UXT: variants seen among roughly 807,000 people sequenced by gnomAD.
The protein encoded by UXT is protein UXT.
For missense variants in UXT, 111 were observed against 132.7 expected (o/e 0.84, Z 0.80); for synonymous variants, 54 against 52.8 (o/e 1.02, Z -0.10).
intron 1 of UXT, among the ~76,000 whole-genome samples, 199 bp downstream of exon 2, chrX:47,658,631 G>A (rs989321575): frequency 4.4e-5 from 5 of 112,498 alleles, no homozygotes; most frequent in African/African-American, 1.6e-4. Context: ...GGCCGCGCAT[G>A]CGCTGACACG....
chrX:47,654,208 CTTT>C lies in UXT; in HGVS notation c.393-2067_393-2065del, dbSNP rs575561852. ...CAGTGTGAATAGTCATATGGTTATG[CTTT>C]TTTTTTTTTTTTTGAGATGGAGTCT... On this transcript the variant is annotated intron_variant, in intron 4 of 5. Coordinates refer to ENST00000335890, the MANE Select transcript of UXT (RefSeq NM_153477.3). The C allele has an allele frequency of 8.1e-3, 1,993 of 245,300 alleles. 14 individuals carry two copies. Among genetic ancestry groups the C allele is most frequent in the African/African-American group, 0.036 (998 of 27,679 alleles). The allele number at this position is 245,300 out of a possible 1,213,427, so 20.2% of individuals were successfully genotyped here.
chrX:47,657,426 C>T (rs1285754082), intron 3 of UXT, 136 bp from the exon 5 acceptor site: 2 of 791,705 alleles, frequency 2.5e-6, no homozygotes, highest in African/African-American at 2.1e-5. Flanking sequence ...TTCACTGTCA[C>T]ATCCCCAGCA....
Position 47,659,173 on chromosome X carries a change from T to A in UXT, c.-210A>T, listed in dbSNP as rs2058095519. On this transcript the variant is annotated 5_prime_UTR_variant, in exon 1 of 6. Transcript: ENST00000335890. Reference sequence around the variant, plus strand: ...AACCGCGGCTTCCGGGTGGCGCGGGTGAATGACGTAAGTGGCAAGCGCGCT... The same window carrying A: ...AACCGCGGCTTCCGGGTGGCGCGGGAGAATGACGTAAGTGGCAAGCGCGCT... The A allele has an allele frequency of 8.9e-6, 5 of 558,742 alleles. No homozygotes were observed. The highest frequency in any genetic ancestry group is 8.1e-5 in the Admixed American group (3 of 37,044). 46.0% of individuals were successfully genotyped at this position (558,742 alleles called of 1,213,427 possible).
Position 47,657,083 on chromosome X carries a change from GATGAGTC to G in UXT, c.392+93_392+99del, listed in dbSNP as rs1240738879. On this transcript the variant is annotated intron_variant, in intron 4 of 5. Transcript: ENST00000335890. Reference sequence around the variant, plus strand: ...AGCCCCAGCTCTGAAGAGGAGGGGAGATGAGTCCTTAAGTATCATTCCAGGCAGCCAT... The same window carrying G: ...AGCCCCAGCTCTGAAGAGGAGGGGAGCTTAAGTATCATTCCAGGCAGCCAT... The G allele has an allele frequency of 3.6e-5, 25 of 692,935 alleles. No individual in the cohort carries two copies. The Admixed American group carries it at 7.8e-4, about 22-fold the overall frequency. 57.1% of individuals were successfully genotyped at this position (692,935 alleles called of 1,213,427 possible). A position where few individuals can be genotyped will look rare whatever the true frequency, so the allele number is the denominator to read the frequency against.
intron 1 of UXT, 86 bp downstream of exon 2, chrX:47,658,744 C>A: frequency 1.9e-6 from 2 of 1,057,882 alleles, no homozygotes; most frequent in Non-Finnish European, 2.5e-6. Flanking sequence ...CCTCGCCCGC[C>A]AATTCAAAGG....
rs912192248 is a variant in UXT at position 47,659,167 on chromosome X, C to T, written c.-204G>A. On this transcript the variant is annotated 5_prime_UTR_variant, in exon 1 of 6. Transcript: ENST00000335890. ...GGTAGGAACCGCGGCTTCCGGGTGG[C>T]GCGGGTGAATGACGTAAGTGGCAAG... 2.7e-5 allele frequency: 16 copies of T among 582,217 alleles called. No individual in the cohort carries two copies. The African/African-American group carries it at 3.3e-4, about 12-fold the overall frequency. 48.0% of individuals were successfully genotyped at this position (582,217 alleles called of 1,213,427 possible).
chrX:47,655,448 A>G (rs2058080724), intron 4 of UXT, among the ~76,000 whole-genome samples: 1 of 112,257 alleles, frequency 8.9e-6, no homozygotes, highest in Non-Finnish European at 1.9e-5. Flanking sequence ...AGTCCTTCCC[A>G]TGGCTGGAAA....
intron 4 of UXT, among the ~76,000 whole-genome samples, chrX:47,656,154 T>A (rs988318650): frequency 8.1e-5 from 9 of 111,654 alleles, no homozygotes; most frequent in Non-Finnish European, 1.7e-4. Flanking sequence ...GCTTCCAGCA[T>A]ACCCTTTCAA....
At chrX:47,657,080 G>A in intron 4 of UXT, 103 bp downstream of exon 5, 2 of 668,873 alleles carry the variant, frequency 3.0e-6, no homozygotes, top group Non-Finnish European at 4.6e-6. Context: ...GAAGAGGAGG[G>A]GAGATGAGTC....
chrX:47,652,041 C>G, intron 5 of UXT, 40 bp downstream of exon 6: 1 of 1,197,186 alleles, frequency 8.4e-7, no homozygotes, highest in Non-Finnish European at 1.1e-6. Flanking sequence ...AGGTCACCAC[C>G]CTAAACACAG....
rs2058086846 is a variant in UXT at position 47,657,366 on chromosome X, C to T, written c.285-76G>A. The T allele has an allele frequency of 3.2e-6, 3 of 936,636 alleles. No individual in the cohort carries two copies. The African/African-American group carries it at 5.9e-5, about 18-fold the overall frequency. 77.2% of individuals were successfully genotyped at this position (936,636 alleles called of 1,213,427 possible). A position where few individuals can be genotyped will look rare whatever the true frequency, so the allele number is the denominator to read the frequency against. On this transcript the variant is annotated intron_variant, in intron 3 of 5. Transcript: ENST00000335890. ...AGCATAGTTTATGTTTTGCTCCCCA[C>T]CCTTCCCCAAATTGAGGCTCTGGGA...
rs371066963 is a variant in UXT at position 47,657,878 on chromosome X, G to A, written c.135-15C>T. ...CCAGCACCTTTCTGATGGGACGAAA[G>A]TACAATGGTGACCAATAGGCAGCCC... On this transcript the variant is annotated splice_polypyrimidine_tract_variant and intron_variant, in intron 1 of 5. Transcript: ENST00000335890. 74 of 1,116,066 alleles carry A rather than the reference G, an allele frequency of 6.6e-5. No individual in the cohort carries two copies. The highest frequency in any genetic ancestry group is 5.0e-4 in the Middle Eastern group (2 of 3,965). 92.0% of individuals were successfully genotyped at this position (1,116,066 alleles called of 1,213,427 possible).
At position 47,658,855 on chromosome X, in the gene UXT, T is replaced by C. The variant is rs372164152; in HGVS notation, c.109A>G (p.Ser37Gly). 4.2e-5 allele frequency: 48 copies of C among 1,151,741 alleles called. No homozygotes were observed. The African/African-American group carries it at 7.7e-4, about 19-fold the overall frequency. The allele number at this position is 1,151,741 out of a possible 1,213,427, so 94.9% of individuals were successfully genotyped here. A position where few individuals can be genotyped will look rare whatever the true frequency, so the allele number is the denominator to read the frequency against. The change falls in exon 1 of 6, where the codon AGT (serine) becomes GGT (glycine). Residue 37 changes from serine (S) to glycine (G), a missense_variant. Ser to Gly is a moderately conservative substitution (Grantham distance 56, BLOSUM62 0). Coordinates refer to ENST00000335890, the MANE Select transcript of UXT (RefSeq NM_153477.3). Reference sequence around the variant, plus strand: ...CGCAAGTCCCGCTGCAGCACGTCACTGATGAAGGTCTCGTAGCGCAGCACT... The same window carrying C: ...CGCAAGTCCCGCTGCAGCACGTCACCGATGAAGGTCTCGTAGCGCAGCACT...
At position 47,658,880 on chromosome X, in the gene UXT, T is replaced by C. The variant is rs376885210; in HGVS notation, c.84A>G (p.Lys28=). 2 of 1,170,610 alleles carry C rather than the reference T, an allele frequency of 1.7e-6. No individual in the cohort carries two copies. Among genetic ancestry groups the C allele is most frequent in the Non-Finnish European group, 2.3e-6 (2 of 874,183 alleles). ...TGATGAAGGTCTCGTAGCGCAGCAC[T>C]TTCTCCCCCGTGGCCTCCACCGCCC... Residue 28 remains lysine (K), a synonymous_variant, in exon 1 of 6, where the codon AAA becomes AAG. Coordinates refer to ENST00000335890, the MANE Select transcript of UXT (RefSeq NM_153477.3).
At position 47,657,585 on chromosome X, in the gene UXT, C is replaced by T. The variant is rs370471163; in HGVS notation, c.271G>A (p.Val91Ile). The T allele has an allele frequency of 1.1e-5, 13 of 1,206,827 alleles. No individual in the cohort carries two copies. In the African/African-American group the frequency reaches 1.4e-4, roughly 13 times the overall value. Residue 91 changes from valine to isoleucine, a missense_variant, in exon 3 of 6, where the codon GTT becomes ATT. Coordinates refer to ENST00000335890, the MANE Select transcript of UXT (RefSeq NM_153477.3). The stretch of plus-strand genomic sequence containing the variant: ...GTAGACACTCACACCACTGTGTCAA[C>T]GAAGAAGTTACAGCCCAAATCCACC...
rs750686411 is a variant in UXT, at chrX:47,651,834, G to A, written c.*8C>T. On this transcript the variant is annotated 3_prime_UTR_variant, in exon 6 of 6. Coordinates refer to ENST00000335890, the MANE Select transcript of UXT (RefSeq NM_153477.3). The stretch of plus-strand genomic sequence containing the variant: ...GGCTCTTTAATGTCTGAGGATGGGG[G>A]GAAGAAGTCAATGGTGAGGCTTCTC... The A allele has an allele frequency of 8.3e-7, 1 of 1,208,242 alleles. No individual in the cohort carries two copies. Among genetic ancestry groups the A allele is most frequent in the Non-Finnish European group, 1.1e-6 (1 of 893,944 alleles).
At chrX:47,657,482 G>A in intron 3 of UXT, 90 bp downstream of exon 4, 1 of 970,485 alleles carries the variant, frequency 1.0e-6, no homozygotes, top group Non-Finnish European at 1.4e-6. Flanking sequence ...ATAGTGCCTG[G>A]TACATAGAAG....
Position 47,657,265 on chromosome X carries a change from C to A in UXT, c.310G>T (p.Ala104Ser). ...TCCAGGAAAAAACCATATCCCAGGGCCACATAGATGCGTGAAGTATCTGGG... is the reference window on the plus strand; with the variant it reads ...TCCAGGAAAAAACCATATCCCAGGGACACATAGATGCGTGAAGTATCTGGG... Residue 104 changes from alanine (A) to serine (S), a missense_variant, in exon 4 of 6, where the codon GCC becomes TCC. Physicochemically the swap from Ala to Ser is moderately conservative, Grantham distance 99. Transcript: ENST00000335890. 8.3e-7 allele frequency: 1 copy of A among 1,206,520 alleles called. No individual in the cohort carries two copies. Among genetic ancestry groups the A allele is most frequent in the Non-Finnish European group, 1.1e-6 (1 of 892,497 alleles).
chrX:47,658,574 G>A (rs1037236422), intron 1 of UXT, among the ~76,000 whole-genome samples: 1 of 112,171 alleles, frequency 8.9e-6, no homozygotes, highest in Non-Finnish European at 1.9e-5. Flanking sequence ...ATTCGAACCC[G>A]AGAACTGTGG....
Sources: allele counts gnomAD v4.1 joint callset (sites outside exome capture counted in the v4.1 genomes callset), GRCh38; gene constraint gnomAD v4.1.1; transcripts MANE v1.5; gene names NCBI Gene and HGNC (gene_info 2026-07-23, HGNC 2026-07-21).